Variants in HBM observed in about 807,000 individuals in gnomAD.
HBM encodes hemoglobin subunit mu, also known as alpha globin pseudogene 2.
HBM carries 9 observed loss-of-function variants against 12.8 expected under a neutral mutation model. The observed-to-expected ratio is 0.70, with a 90% CI of 0.42 to 1.23. HBM has a LOEUF of 1.23. HBM is among the 50% of genes most tolerant of loss of function. The pLI is 0.00. For missense variants in HBM, 214 were observed against 195.4 expected (o/e 1.10, Z -0.57); for synonymous variants, 100 against 92.0 (o/e 1.09, Z -0.50).
At chr16:166,161 G>T in intron 1 of HBM, 72 bp downstream of exon 1, 1 of 1,464,184 alleles carries the variant, frequency 6.8e-7, no homozygotes, top group Non-Finnish European at 9.3e-7. Context: ...GGCCGCCAAC[G>T]CCATCCAAGG....
At position 166,712 on chromosome 16, in the gene HBM, C is replaced by A. The variant is rs1476128321; in HGVS notation, c.*4C>A. On this transcript the variant is annotated 3_prime_UTR_variant, in exon 3 of 3. Coordinates refer to ENST00000356815, the MANE Select transcript of HBM (RefSeq NM_001003938.4). ...GCTGACCGAAAAATACCGCTGAGCC[C>A]TGTGCTGCGCAGGCCTTGGTCTGTG... 6.2e-7 allele frequency: 1 copy of A among 1,613,932 alleles called. No individual in the cohort carries two copies. Among genetic ancestry groups the A allele is most frequent in the Non-Finnish European group, 8.5e-7 (1 of 1,179,922 alleles).
intron 1 of HBM, 69 bp from the exon 2 acceptor site, chr16:166,199 G>T: frequency 6.8e-7 from 1 of 1,475,070 alleles, no homozygotes; most frequent in Non-Finnish European, 9.2e-7. Context: ...CCCGGGCTCT[G>T]GGCGGTGTGG....
rs774748950 is a variant in HBM at position 166,392 on chromosome 16, G to A, written c.217G>A (p.Val73Met). The A allele has an allele frequency of 5.7e-6, 9 of 1,570,556 alleles. No homozygotes were observed. Among genetic ancestry groups the A allele is most frequent in the Non-Finnish European group, 7.7e-6 (9 of 1,166,378 alleles). ...GGCTGTGGGCGCGGCGGTGCAGCAC[G>A]TGGACAACCTGCGCGCCGCGCTGAG... ...LAAVGAAVQHVDNLRAALSPL... is the reference protein window; with the variant it reads ...LAAVGAAVQHMDNLRAALSPL... The change falls in exon 2 of 3, where the codon GTG becomes ATG. Residue 73 changes from valine to methionine, a missense_variant. Coordinates refer to ENST00000356815, the MANE Select transcript of HBM (RefSeq NM_001003938.4).
In HBM at chr16:166,062, C is replaced by G. The variant is rs758536446; in HGVS notation, c.65C>G (p.Ala22Gly). 1 of 1,603,608 alleles carries G rather than the reference C, an allele frequency of 6.2e-7. No homozygotes were observed. The highest frequency in any genetic ancestry group is 1.7e-5 in the Admixed American group (1 of 59,446). ...TGGGACCTGATTGCGGGCCACGAGG[C>G]GCAATTCGGGGCGGAGCTGCTGCTC... ...QVWDLIAGHE[A>G]QFGAELLLRL... Residue 22 changes from alanine to glycine, a missense_variant, in exon 1 of 3, where the codon GCG (alanine) becomes GGG (glycine). By Grantham distance (60) the Ala-to-Gly change is moderately conservative (BLOSUM62 0). Transcript: ENST00000356815.
At position 166,048 on chromosome 16, in the gene HBM, T is replaced by C. The variant is rs1901904133; in HGVS notation, c.51T>C (p.Ile17=). ...RAQIAQVWDL[I]AGHEAQFGAE... is the part of the protein sequence containing the mutation. Reference sequence around the variant, plus strand: ...AAATCGCGCAGGTCTGGGACCTGATTGCGGGCCACGAGGCGCAATTCGGGG... The same window carrying C: ...AAATCGCGCAGGTCTGGGACCTGATCGCGGGCCACGAGGCGCAATTCGGGG... The change falls in exon 1 of 3, where the codon ATT becomes ATC. Residue 17 remains isoleucine (I), a synonymous_variant. Coordinates refer to ENST00000356815, the MANE Select transcript of HBM (RefSeq NM_001003938.4). 6.2e-7 allele frequency: 1 copy of C among 1,602,466 alleles called. No homozygotes were observed. The highest frequency in any genetic ancestry group is 8.5e-7 in the Non-Finnish European group (1 of 1,176,280).
rs755322486 is a variant in HBM, at chr16:166,427, G to A, written c.252G>A (p.Ala84=). The A allele has an allele frequency of 3.2e-6, 5 of 1,550,156 alleles. No individual in the cohort carries two copies. The highest frequency in any genetic ancestry group is 1.4e-5 in the African/African-American group (1 of 73,858). Reference sequence around the variant, plus strand: ...TGCGCGCCGCGCTGAGCCCGCTGGCGGACCTGCACGCGCTCGTGCTGCGCG... The same window carrying A: ...TGCGCGCCGCGCTGAGCCCGCTGGCAGACCTGCACGCGCTCGTGCTGCGCG... ...DNLRAALSPL[A]DLHALVLRVD... is the part of the protein sequence containing the mutation. The change falls in exon 2 of 3, where the codon GCG becomes GCA. Residue 84 remains alanine, a synonymous_variant. Transcript: ENST00000356815.
intron 1 of HBM, 56 bp from the exon 2 acceptor site, chr16:166,212 G>A (rs893672038): frequency 2.0e-6 from 3 of 1,494,624 alleles, no homozygotes; most frequent in African/African-American, 1.4e-5. Context: ...CGGTGTGGGC[G>A]CTAGTGAAGC....
Position 166,600 on chromosome 16 carries a change from C to A in HBM, c.318C>A (p.His106Gln), listed in dbSNP as rs1469883362. 6.2e-7 allele frequency: 1 copy of A among 1,613,796 alleles called. No homozygotes were observed. Residue 106 changes from histidine (H) to glutamine (Q), a missense_variant, in exon 3 of 3, where the codon CAC becomes CAA. Physicochemically the swap from His to Gln is conservative, Grantham distance 24 (BLOSUM62 0). Transcript: ENST00000356815. ...ANFPLLIQCFHVVLASHLQDE... is the reference protein window; with the variant it reads ...ANFPLLIQCFQVVLASHLQDE... Reference sequence around the variant, plus strand: ...TGCAGCTGCTAATCCAGTGTTTCCACGTCGTGCTGGCCTCCCACCTGCAGG... The same window carrying A: ...TGCAGCTGCTAATCCAGTGTTTCCAAGTCGTGCTGGCCTCCCACCTGCAGG...
At chr16:166,545 G>T in intron 2 of HBM, 35 bp from the exon 3 acceptor site, 1 of 1,605,658 alleles carries the variant, frequency 6.2e-7, no homozygotes, top group Non-Finnish European at 8.5e-7. Flanking sequence ...TCCCTAGCGG[G>T]GCAGACCCCG....
intron 1 of HBM, 86 bp from the exon 2 acceptor site, chr16:166,182 G>A (rs1901907072): frequency 1.5e-6 from 2 of 1,374,326 alleles, no homozygotes; most frequent in East Asian, 2.6e-5. Context: ...TCCTTCGGGT[G>A]CGGATCCCCG....
Position 166,257 on chromosome 16 carries a change from T to C in HBM, c.93-11T>C. ...CCGCCCTCCTCCCCGGTCACTGACC[T>C]GGTCCTGCAGGCTCTTCACGGTGTA... On this transcript the variant is annotated splice_polypyrimidine_tract_variant and intron_variant, in intron 1 of 2. Coordinates refer to ENST00000356815, the MANE Select transcript of HBM (RefSeq NM_001003938.4). 1 of 1,587,146 alleles carries C rather than the reference T, an allele frequency of 6.3e-7. No homozygotes were observed. Among genetic ancestry groups the C allele is most frequent in the Non-Finnish European group, 8.5e-7 (1 of 1,174,010 alleles).
At position 166,465 on chromosome 16, in the gene HBM, ACTTTCCGGTGAGGC is replaced by A; in HGVS notation, c.297+2_297+15del. 1.9e-6 allele frequency: 3 copies of A among 1,550,184 alleles called. No homozygotes were observed. In the South Asian group the frequency reaches 3.5e-5, roughly 18 times the overall value. The stretch of plus-strand genomic sequence containing the variant: ...CTCGTGCTGCGCGTGGACCCAGCCA[ACTTTCCGGTGAGGC>A]CTTTCCGGCCGGGGCAATGGTGCAG... On this transcript the variant is annotated splice_donor_variant and splice_donor_5th_base_variant and coding_sequence_variant and intron_variant, in exon 2 of 3. Transcript: ENST00000356815. LOFTEE classifies it high-confidence loss of function.
rs1419128200 is a variant in HBM at position 166,407 on chromosome 16, G to T, written c.232G>T (p.Ala78Ser). Residue 78 changes from alanine (A) to serine (S), a missense_variant, in exon 2 of 3, where the codon GCC becomes TCC. Ala to Ser is a moderately conservative substitution (Grantham distance 99). Transcript: ENST00000356815. ...GGTGCAGCACGTGGACAACCTGCGCGCCGCGCTGAGCCCGCTGGCGGACCT... is the reference window on the plus strand; with the variant it reads ...GGTGCAGCACGTGGACAACCTGCGCTCCGCGCTGAGCCCGCTGGCGGACCT... The part of the protein sequence containing the change: ...AAVQHVDNLR[A>S]ALSPLADLHA... The T allele has an allele frequency of 6.4e-7, 1 of 1,559,034 alleles. No individual in the cohort carries two copies. Among genetic ancestry groups the T allele is most frequent in the African/African-American group, 1.4e-5 (1 of 73,960 alleles).
chr16:165,996 C>T lies in HBM; in HGVS notation c.-2C>T. The T allele has an allele frequency of 6.3e-7, 1 of 1,577,902 alleles. No homozygotes were observed. Among genetic ancestry groups the T allele is most frequent in the Non-Finnish European group, 8.6e-7 (1 of 1,168,272 alleles). On this transcript the variant is annotated 5_prime_UTR_variant, in exon 1 of 3. Coordinates refer to ENST00000356815, the MANE Select transcript of HBM (RefSeq NM_001003938.4). Reference sequence around the variant, plus strand: ...GGCCCCCAGAGCACGTCAGGCGGCGCCATGCTCAGCGCCCAGGAGCGCGCC... The same window carrying T: ...GGCCCCCAGAGCACGTCAGGCGGCGTCATGCTCAGCGCCCAGGAGCGCGCC...
Position 166,276 on chromosome 16 carries a change from C to T in HBM, c.101C>T (p.Thr34Met), listed in dbSNP as rs368170741. The change falls in exon 2 of 3, where the codon ACG (threonine) becomes ATG (methionine). Residue 34 changes from threonine to methionine, a missense_variant. Transcript: ENST00000356815. ...FGAELLLRLF[T>M]VYPSTKVYFP... is the part of the protein sequence containing the mutation. Reference sequence around the variant, plus strand: ...CTGACCTGGTCCTGCAGGCTCTTCACGGTGTACCCCAGCACCAAGGTCTAC... The same window carrying T: ...CTGACCTGGTCCTGCAGGCTCTTCATGGTGTACCCCAGCACCAAGGTCTAC... The T allele has an allele frequency of 7.7e-5, 122 of 1,593,524 alleles. No homozygotes were observed. Among genetic ancestry groups the T allele is most frequent in the Non-Finnish European group, 9.6e-5 (113 of 1,177,706 alleles).
Position 166,440 on chromosome 16 carries a change from C to T in HBM, c.265C>T (p.Leu89Phe), listed in dbSNP as rs777251866. 1.9e-6 allele frequency: 3 copies of T among 1,548,758 alleles called. No homozygotes were observed. The highest frequency in any genetic ancestry group is 2.4e-5 in the East Asian group (1 of 41,728). Residue 89 changes from leucine (L) to phenylalanine (F), a missense_variant, in exon 2 of 3, where the codon CTC (leucine) becomes TTC (phenylalanine). By Grantham distance (22) the Leu-to-Phe change is conservative (BLOSUM62 0). Coordinates refer to ENST00000356815, the MANE Select transcript of HBM (RefSeq NM_001003938.4). Reference protein sequence around the residue: ...ALSPLADLHALVLRVDPANFP... With the variant: ...ALSPLADLHAFVLRVDPANFP... ...GAGCCCGCTGGCGGACCTGCACGCG[C>T]TCGTGCTGCGCGTGGACCCAGCCAA...
intron 1 of HBM, 32 bp downstream of exon 1, chr16:166,121 G>T: frequency 6.4e-7 from 1 of 1,559,212 alleles, no homozygotes; most frequent in Non-Finnish European, 8.7e-7. Flanking sequence ...GGGAGCTCAG[G>T]GAGGTGGAGA....
intron 1 of HBM, 41 bp downstream of exon 1, chr16:166,130 G>C (rs761458314): frequency 1.3e-6 from 2 of 1,540,046 alleles, no homozygotes; most frequent in Non-Finnish European, 1.8e-6. Context: ...GGGAGGTGGA[G>C]ATGAGGGTTT....
rs1901909128 is a variant in HBM at position 166,271 on chromosome 16, C to G, written c.96C>G (p.Leu32=). The G allele has an allele frequency of 6.3e-7, 1 of 1,592,946 alleles. No homozygotes were observed. Among genetic ancestry groups the G allele is most frequent in the Non-Finnish European group, 8.5e-7 (1 of 1,177,514 alleles). The change falls in exon 2 of 3, where the codon CTC becomes CTG. Residue 32 remains leucine (L), a synonymous_variant. Coordinates refer to ENST00000356815, the MANE Select transcript of HBM (RefSeq NM_001003938.4). ...GGTCACTGACCTGGTCCTGCAGGCT[C>G]TTCACGGTGTACCCCAGCACCAAGG... ...AQFGAELLLR[L]FTVYPSTKVY...
Sources: gnomAD v4.1 joint callset for allele counts on GRCh38, gnomAD v4.1.1 for gene constraint, MANE v1.5 for transcripts, NCBI Gene and HGNC (gene_info 2026-07-23, HGNC 2026-07-21) for gene names.